AMPH: variants seen among roughly 807,000 people sequenced by gnomAD.
AMPH encodes amphiphysin.
Under a neutral mutation model 99.1 loss-of-function variants are expected in AMPH, and 49 were observed. The ratio of observed to expected loss-of-function variants is 0.49; its 90% CI spans 0.39 to 0.63. The LOEUF (loss-of-function observed/expected upper bound fraction) is 0.63, where lower values mean the gene tolerates loss of function less well. Among genes scored for constraint, AMPH ranks in the 20% least tolerant of loss-of-function variants. The pLI, the probability that AMPH is intolerant of heterozygous loss-of-function variation, is 0.00. For missense variants in AMPH, 759 were observed against 863.4 expected (o/e 0.88, Z 1.52); for synonymous variants, 314 against 317.3 (o/e 0.99, Z 0.11).
At chr7:38,456,895 C>T (rs1033632253) in intron 11 of AMPH, among the ~76,000 whole-genome samples, 12 of 152,334 alleles carry the variant, frequency 7.9e-5, no homozygotes, top group Admixed American at 7.8e-4. Context: ...AAAGACTGGT[C>T]AACCTGGCAT....
At chr7:38,607,387 T>C (rs1283980131) in intron 1 of AMPH, among the ~76,000 whole-genome samples, 1 of 152,214 alleles carries the variant, frequency 6.6e-6, no homozygotes, top group Non-Finnish European at 1.5e-5. Flanking sequence ...AATGCTAACA[T>C]AGTTAAATGT....
chr7:38,525,445 C>CGTGCGTGTGT (rs1554353179), intron 2 of AMPH, among the ~76,000 whole-genome samples: 1 of 125,420 alleles, frequency 8.0e-6, no homozygotes, highest in African/African-American at 2.9e-5. Context: ...CTCATTTGTG[C>CGTGCGTGTGT]GTGTGTGTGT....
intron 2 of AMPH, among the ~76,000 whole-genome samples, chr7:38,517,569 C>A (rs1301323972): frequency 1.3e-5 from 2 of 152,164 alleles, no homozygotes; most frequent in East Asian, 1.9e-4. Context: ...TCAGGTAGTT[C>A]TTTATAGCAG....
intron 9 of AMPH, chr7:38,464,048 C>T: frequency 7.8e-7 from 1 of 1,289,060 alleles, no homozygotes; most frequent in South Asian, 1.2e-5. Flanking sequence ...GAAACATAGC[C>T]CCAATCTAAG....
chr7:38,573,278 T>A (rs1215410796), intron 1 of AMPH, among the ~76,000 whole-genome samples: 2 of 152,204 alleles, frequency 1.3e-5, no homozygotes, highest in African/African-American at 2.4e-5. Flanking sequence ...TACTTTTTCT[T>A]TTTTCTTGTT....
intron 1 of AMPH, among the ~76,000 whole-genome samples, chr7:38,625,242 G>A (rs527985846): frequency 2.0e-5 from 3 of 152,238 alleles, no homozygotes; most frequent in African/African-American, 7.2e-5. Context: ...TACCACAAAA[G>A]GGCAGAGGCA....
chr7:38,530,828 C>T (rs901788491), intron 2 of AMPH, among the ~76,000 whole-genome samples: 2 of 152,118 alleles, frequency 1.3e-5, no homozygotes, highest in African/African-American at 2.4e-5. Context: ...AAAAATAGAA[C>T]GGGGAAGAAA....
chr7:38,458,983 C>G (rs1203474504), intron 11 of AMPH, among the ~76,000 whole-genome samples: 4 of 151,276 alleles, frequency 2.6e-5, no homozygotes, highest in African/African-American at 9.7e-5. Flanking sequence ...AGAATCCACC[C>G]AAAAAAAACC....
chr7:38,618,491 G>A lies in AMPH; in HGVS notation c.69+12792C>T, dbSNP rs187054434. Reference sequence around the variant, plus strand: ...CATGCCACTGCACTCTAGCCTGGGTGACAGAGTGAGACTCTGTCTCAAAAA... The same window carrying A: ...CATGCCACTGCACTCTAGCCTGGGTAACAGAGTGAGACTCTGTCTCAAAAA... On this transcript the variant is annotated intron_variant, in intron 1 of 20. Transcript: ENST00000356264. Among the ~76,000 whole-genome samples, 1,073 of 151,716 alleles carry A rather than the reference G, an allele frequency of 7.1e-3. 14 individuals are homozygous for A. The highest frequency in any genetic ancestry group is 0.017 in the South Asian group (79 of 4,740).
At chr7:38,528,350 T>C (rs1021848374) in intron 2 of AMPH, among the ~76,000 whole-genome samples, 1 of 152,210 alleles carries the variant, frequency 6.6e-6, no homozygotes, top group Non-Finnish European at 1.5e-5. Context: ...AATTATCCAG[T>C]GAAACTATCA....
chr7:38,456,212 C>T lies in AMPH; in HGVS notation c.1017+5071G>A, dbSNP rs116249663. 2.8e-3 allele frequency among the ~76,000 whole-genome samples: 430 copies of T among 152,224 alleles called. 1 individual carries two copies. The highest frequency in any genetic ancestry group is 9.9e-3 in the African/African-American group (410 of 41,534). On this transcript the variant is annotated intron_variant, in intron 11 of 20. Transcript: ENST00000356264. ...CCACTGCTGCTGCTGCAGGTTGCAG[C>T]GGGACCAAGGCACAAGGAAACTACG...
chr7:38,472,271 T>G (rs1189362881), intron 7 of AMPH, among the ~76,000 whole-genome samples: 2 of 152,142 alleles, frequency 1.3e-5, no homozygotes, highest in Non-Finnish European at 2.9e-5. Flanking sequence ...ATTTCAAGGT[T>G]GAGTAATATG....
intron 12 of AMPH, 92 bp from the exon 13 acceptor site, chr7:38,432,304 T>C (rs1786062018): frequency 2.5e-6 from 3 of 1,201,924 alleles, no homozygotes; most frequent in Non-Finnish European, 3.7e-6. Flanking sequence ...ATCATAAGCA[T>C]TTTTTAAGCA....
chr7:38,465,516 GT>G lies in AMPH; in HGVS notation c.699del (p.Lys233AsnfsTer49). Reference protein sequence around the residue: ...LCHKLYEVMTKLGDQHADKAF... With the variant: ...LCHKLYEVMTXLGDQHADKAF... ...GCCTTGTCGGCGTGCTGGTCACCCA[GT>G]TTTGTCATCACTTCATACAGTTTGT... On this transcript the variant is annotated frameshift_variant, in exon 9 of 21. Transcript: ENST00000356264. LOFTEE classifies it high-confidence loss of function. The G allele has an allele frequency of 6.3e-7, 1 of 1,585,792 alleles. No homozygotes were observed.
chr7:38,458,341 C>T (rs968151290), intron 11 of AMPH, among the ~76,000 whole-genome samples: 2 of 152,118 alleles, frequency 1.3e-5, no homozygotes, highest in Non-Finnish European at 1.5e-5. Context: ...GGAAAGAACT[C>T]TCCCTAACTC....
rs139228606 is a variant in AMPH, at chr7:38,433,085, C to T, written c.1135-873G>A. On this transcript the variant is annotated intron_variant, in intron 12 of 20. Coordinates refer to ENST00000356264, the MANE Select transcript of AMPH (RefSeq NM_001635.4). ...TCCACGTTTATGCACTTATTTTGAA[C>T]TACTAAATGTCAACAGCAAACTAGA... Among the ~76,000 whole-genome samples, 19 of 152,298 alleles carry T rather than the reference C, an allele frequency of 1.2e-4. No homozygotes were observed. In the East Asian group the frequency reaches 3.7e-3, roughly 29 times the overall value.
intron 16 of AMPH, among the ~76,000 whole-genome samples, chr7:38,420,258 A>T (rs1479426270): frequency 1.3e-5 from 2 of 152,366 alleles, no homozygotes; most frequent in East Asian, 3.9e-4. Flanking sequence ...CTATTCCAAG[A>T]TAATGTAAAA....
At chr7:38,437,400 A>G (rs1468818686) in intron 11 of AMPH, among the ~76,000 whole-genome samples, 1 of 152,120 alleles carries the variant, frequency 6.6e-6, no homozygotes, top group Non-Finnish European at 1.5e-5. Context: ...TAAAGTATAC[A>G]TAAAAACAGA....
chr7:38,631,257 C>G, intron 1 of AMPH, 26 bp downstream of exon 1: 1 of 1,512,070 alleles, frequency 6.6e-7, no homozygotes, highest in Non-Finnish European at 8.8e-7. Context: ...CGTCCCCGGC[C>G]CCAGCCCCGG....
Sources: allele counts gnomAD v4.1 joint callset (sites outside exome capture counted in the v4.1 genomes callset), GRCh38; gene constraint gnomAD v4.1.1; transcripts MANE v1.5; gene names NCBI Gene and HGNC (gene_info 2026-07-23, HGNC 2026-07-21).